DOCK8: variants seen among roughly 807,000 people sequenced by gnomAD.
DOCK8 encodes the protein dedicator of cytokinesis protein 8.
Under a neutral mutation model 245.6 loss-of-function variants are expected in DOCK8, and 141 were observed. The observed-to-expected ratio is 0.57, with a 90% CI of 0.50 to 0.66. The LOEUF is 0.66. Among genes scored for constraint, DOCK8 ranks in the 30% least tolerant of loss-of-function variants. The probability of loss-of-function intolerance (pLI) is 0.00; values close to 1 mark genes in which losing one functional copy is unlikely to be tolerated. For missense variants in DOCK8, 2,965 were observed against 2,603.4 expected (o/e 1.14, Z -3.02); for synonymous variants, 1,168 against 970.2 (o/e 1.20, Z -3.79).
At chr9:462,206 T>C (rs1229362109) in intron 46 of DOCK8, among the ~76,000 whole-genome samples, 1 of 152,194 alleles carries the variant, frequency 6.6e-6, no homozygotes, top group East Asian at 1.9e-4. Context: ...GAGAATGTGT[T>C]CCTCCAGAAC....
intron 14 of DOCK8, among the ~76,000 whole-genome samples, chr9:340,861 T>C (rs2051553033): frequency 6.6e-6 from 1 of 152,166 alleles, no homozygotes; most frequent in Non-Finnish European, 1.5e-5. Context: ...TTTAGGATTA[T>C]AGTGGACATA....
At chr9:325,784 A>G (rs369700857) in intron 8 of DOCK8, 47 bp downstream of exon 8, 7 of 1,498,820 alleles carry the variant, frequency 4.7e-6, no homozygotes, top group Non-Finnish European at 6.5e-6. Context: ...TATATTGTTC[A>G]TGATTCTTTG....
chr9:386,190 T>A, intron 22 of DOCK8, 141 bp from the exon 23 acceptor site: 1 of 701,696 alleles, frequency 1.4e-6, no homozygotes, highest in Non-Finnish European at 2.5e-6. Flanking sequence ...TGTTTTATAT[T>A]TACTTATGGC....
chr9:373,368 A>G (rs2053382467), intron 18 of DOCK8, among the ~76,000 whole-genome samples: 1 of 152,212 alleles, frequency 6.6e-6, no homozygotes, highest in Non-Finnish European at 1.5e-5. Flanking sequence ...AACCATCACA[A>G]TACCATTGTC....
At chr9:416,480 T>A (rs1435235553) in intron 29 of DOCK8, among the ~76,000 whole-genome samples, 1 of 152,240 alleles carries the variant, frequency 6.6e-6, no homozygotes, top group Non-Finnish European at 1.5e-5. Flanking sequence ...TCCAAGCCTT[T>A]TAAACCTCAA....
At chr9:446,982 T>C (rs1284922287) in intron 44 of DOCK8, among the ~76,000 whole-genome samples, 1 of 152,092 alleles carries the variant, frequency 6.6e-6, no homozygotes, top group Non-Finnish European at 1.5e-5. Flanking sequence ...TCAAGCATAG[T>C]CGTGCTGTTA....
At chr9:232,108 G>A (rs552997869) in intron 1 of DOCK8, among the ~76,000 whole-genome samples, 66 of 152,202 alleles carry the variant, frequency 4.3e-4, no homozygotes, top group African/African-American at 1.4e-3. Flanking sequence ...AGCATGAAGC[G>A]TTGTTGGATT....
At chr9:413,089 G>A (rs962743021) in intron 28 of DOCK8, among the ~76,000 whole-genome samples, 1 of 152,128 alleles carries the variant, frequency 6.6e-6, no homozygotes, top group African/African-American at 2.4e-5. Flanking sequence ...TGGGTTAAGA[G>A]TCCAAAAATA....
chr9:389,003 GAA>G (rs375139726), intron 23 of DOCK8, among the ~76,000 whole-genome samples: 1 of 148,840 alleles, frequency 6.7e-6, no homozygotes, highest in Non-Finnish European at 1.5e-5. Flanking sequence ...TTTCTTACCA[GAA>G]AAAAAAAATG....
In DOCK8 at chr9:374,305, A is replaced by G. The variant is rs552139057; in HGVS notation, c.2110-1905A>G. On this transcript the variant is annotated intron_variant, in intron 18 of 47. Coordinates refer to ENST00000432829, the MANE Select transcript of DOCK8 (RefSeq NM_203447.4). ...GCTAGTTCAAACTGAGATATGTGCTATAAGTAAAATATGCAACAGATTTCA... is the reference window on the plus strand; with the variant it reads ...GCTAGTTCAAACTGAGATATGTGCTGTAAGTAAAATATGCAACAGATTTCA... Among the ~76,000 whole-genome samples, 10 of 152,316 alleles carry G rather than the reference A, an allele frequency of 6.6e-5. No individual in the cohort carries two copies. The East Asian group carries it at 1.4e-3, about 21-fold the overall frequency.
intron 1 of DOCK8, among the ~76,000 whole-genome samples, chr9:227,507 C>T (rs1212789753): frequency 1.3e-5 from 2 of 152,156 alleles, no homozygotes; most frequent in East Asian, 3.9e-4. Flanking sequence ...GATCTGTCAT[C>T]CTGCATCCTG....
intron 44 of DOCK8, among the ~76,000 whole-genome samples, chr9:447,957 G>C (rs1183728834): frequency 6.6e-6 from 1 of 152,202 alleles, no homozygotes; most frequent in African/African-American, 2.4e-5. Context: ...TGAACACTGA[G>C]ACATTCTAGG....
At chr9:301,559 C>G (rs986683253) in intron 4 of DOCK8, among the ~76,000 whole-genome samples, 15 of 152,224 alleles carry the variant, frequency 9.9e-5, no homozygotes, top group African/African-American at 3.6e-4. Context: ...CAAACTAGCT[C>G]TGTCACAGTG....
intron 36 of DOCK8, among the ~76,000 whole-genome samples, chr9:430,550 C>A (rs181299282): frequency 1.9e-3 from 295 of 151,682 alleles, no homozygotes; most frequent in Non-Finnish European, 3.3e-3. Flanking sequence ...TGTGGTGGCA[C>A]ACACGCCCGT....
chr9:227,102 G>A (rs1480530394), intron 1 of DOCK8, among the ~76,000 whole-genome samples: 1 of 152,136 alleles, frequency 6.6e-6, no homozygotes, highest in Admixed American at 6.5e-5. Flanking sequence ...GTGTACTTGG[G>A]ACATGCATGT....
chr9:400,058 CCTCCTTCACCATCACCAT>C (rs2054721777), intron 26 of DOCK8, among the ~76,000 whole-genome samples: 1 of 108,634 alleles, frequency 9.2e-6, no homozygotes, highest in South Asian at 3.1e-4. Context: ...ACCATCACCA[CCTCCTTCACCATCACCAT>C]CACCACCACC....
chr9:288,967 TTGAAGAGTA>T (rs2048933225), intron 3 of DOCK8, among the ~76,000 whole-genome samples: 1 of 152,216 alleles, frequency 6.6e-6, no homozygotes, highest in African/African-American at 2.4e-5. Context: ...TCTGAAGCAC[TTGAAGAGTA>T]TTGCTCATGG....
At chr9:309,612 GGTT>G (rs1446029541) in intron 5 of DOCK8, among the ~76,000 whole-genome samples, 1 of 152,196 alleles carries the variant, frequency 6.6e-6, no homozygotes, top group East Asian at 1.9e-4. Flanking sequence ...ACTGATTTAA[GGTT>G]GTTTTCTTAA....
At chr9:238,980 G>A (rs781531916) in intron 1 of DOCK8, among the ~76,000 whole-genome samples, 14 of 152,070 alleles carry the variant, frequency 9.2e-5, no homozygotes, top group Non-Finnish European at 1.5e-4. Flanking sequence ...TAGACACACC[G>A]ATTCACCTAC....
Sources: gnomAD v4.1 joint callset for allele counts (sites outside exome capture counted in the v4.1 genomes callset) on GRCh38, gnomAD v4.1.1 for gene constraint, MANE v1.5 for transcripts, NCBI Gene and HGNC (gene_info 2026-07-23, HGNC 2026-07-21) for gene names.